LDHC: variants seen among roughly 807,000 people sequenced by gnomAD.
LDHC encodes the protein lactate dehydrogenase C.
Under a neutral mutation model 30.2 loss-of-function variants are expected in LDHC, and 20 were observed. That is an observed-to-expected ratio of 0.66 (90% confidence interval 0.47 to 0.96). The LOEUF (loss-of-function observed/expected upper bound fraction) is 0.96. Ranked by LOEUF, LDHC falls within the 40% of genes least tolerant of loss-of-function variation. LDHC has a pLI of 0.00. For synonymous variants in LDHC, 139 were observed against 132.7 expected, an observed-to-expected ratio of 1.05 and a Z score of -0.32; for missense variants, 362 against 394.9, an observed-to-expected ratio of 0.92 and a Z score of 0.71.
intron 3 of LDHC, among the ~76,000 whole-genome samples, chr11:18,419,206 G>C (rs1001348900): frequency 2.6e-5 from 4 of 152,182 alleles, no homozygotes; most frequent in Non-Finnish European, 5.9e-5. Flanking sequence ...TGCTCTTACA[G>C]TGCAAAAGGA....
At chr11:18,443,491 G>T (rs1451683662) in intron 6 of LDHC, among the ~76,000 whole-genome samples, 1 of 146,866 alleles carries the variant, frequency 6.8e-6, no homozygotes, top group East Asian at 2.0e-4. Context: ...ACACAGTCTG[G>T]CTCTGTCATC....
chr11:18,437,677 G>A (rs965528349), intron 5 of LDHC, among the ~76,000 whole-genome samples: 1 of 151,352 alleles, frequency 6.6e-6, no homozygotes, highest in Non-Finnish European at 1.5e-5. Flanking sequence ...GCGTGAACCC[G>A]GGAGGTGGAG....
At chr11:18,425,085 T>A (rs1024060900) in intron 3 of LDHC, among the ~76,000 whole-genome samples, 1 of 152,164 alleles carries the variant, frequency 6.6e-6, no homozygotes, top group Non-Finnish European at 1.5e-5. Context: ...AGTAATGTGA[T>A]TTTTTGCCAG....
chr11:18,451,100 G>T lies in LDHC; in HGVS notation c.972G>T (p.Trp324Cys), dbSNP rs1848648609. 2 of 1,552,798 alleles carry T rather than the reference G, an allele frequency of 1.3e-6. No homozygotes were observed. Among genetic ancestry groups the T allele is most frequent in the South Asian group, 2.5e-5 (2 of 79,370 alleles). ...TCAAGAAGAGTGCAGAAACACTTTG[G>T]AATATTCAAAAGGATCTAATATTTT... is the stretch of plus-strand genomic sequence containing the variant. ...ALFKKSAETL[W>C]NIQKDLIF The change falls in exon 8 of 8, where the codon TGG becomes TGT. Residue 324 changes from tryptophan to cysteine, a missense_variant. Transcript: ENST00000541669.
intron 3 of LDHC, among the ~76,000 whole-genome samples, chr11:18,422,202 A>G (rs1313502023): frequency 2.0e-5 from 3 of 152,174 alleles, no homozygotes; most frequent in Non-Finnish European, 4.4e-5. Context: ...AGATAGAAAT[A>G]TAAGAATAGG....
chr11:18,426,317 A>T (rs1848161659), intron 3 of LDHC, among the ~76,000 whole-genome samples: 3 of 152,188 alleles, frequency 2.0e-5, no homozygotes, highest in African/African-American at 7.2e-5. Flanking sequence ...ACCTGAGGTC[A>T]GGAGTTCAAG....
At chr11:18,422,290 C>T (rs1456363268) in intron 3 of LDHC, among the ~76,000 whole-genome samples, 3 of 151,720 alleles carry the variant, frequency 2.0e-5, no homozygotes, top group Non-Finnish European at 4.4e-5. Context: ...GCACGATGGC[C>T]CATGCCTGTA....
At chr11:18,429,302 A>G (rs1197066917) in intron 3 of LDHC, among the ~76,000 whole-genome samples, 2 of 151,906 alleles carry the variant, frequency 1.3e-5, no homozygotes, top group African/African-American at 2.4e-5. Context: ...TAGTAGAGAC[A>G]GGATTTTACC....
chr11:18,422,281 C>T (rs1848075900), intron 3 of LDHC, among the ~76,000 whole-genome samples: 1 of 151,920 alleles, frequency 6.6e-6, no homozygotes, highest in South Asian at 2.1e-4. Context: ...CAAGGCCGGG[C>T]ACGATGGCCC....
intron 6 of LDHC, among the ~76,000 whole-genome samples, chr11:18,445,969 C>G (rs910039150): frequency 6.6e-6 from 1 of 151,848 alleles, no homozygotes; most frequent in Non-Finnish European, 1.5e-5. Context: ...GAAGCAAGAC[C>G]CTGTCTCAAA....
Position 18,445,719 on chromosome 11 carries a change from C to T in LDHC, c.711-491C>T, listed in dbSNP as rs189052648. Among the ~76,000 whole-genome samples, 26 of 152,164 alleles carry T rather than the reference C, an allele frequency of 1.7e-4. 1 individual carries two copies. Among genetic ancestry groups the T allele is most frequent in the Admixed American group, 1.1e-3 (17 of 15,274 alleles). On this transcript the variant is annotated intron_variant, in intron 6 of 7. Transcript: ENST00000541669. Reference sequence around the variant, plus strand: ...GGCACGGTGGCTCACACCTATAATACCAGCACTCCAGGAAACTGAGGCGAG... The same window carrying T: ...GGCACGGTGGCTCACACCTATAATATCAGCACTCCAGGAAACTGAGGCGAG...
intron 3 of LDHC, among the ~76,000 whole-genome samples, chr11:18,423,176 A>T (rs968097781): frequency 2.6e-5 from 4 of 152,034 alleles, no homozygotes; most frequent in South Asian, 2.1e-4. Flanking sequence ...AATACAAAAA[A>T]TTAGCCAGGC....
chr11:18,441,766 G>A (rs549536474), intron 6 of LDHC, among the ~76,000 whole-genome samples: 1 of 152,176 alleles, frequency 6.6e-6, no homozygotes, highest in Admixed American at 6.5e-5. Context: ...ACAAAAATTA[G>A]CTGGGCTTGG....
intron 4 of LDHC, among the ~76,000 whole-genome samples, chr11:18,430,737 T>G (rs563438545): frequency 6.6e-6 from 1 of 152,334 alleles, no homozygotes; most frequent in East Asian, 1.9e-4. Flanking sequence ...AGTTTTGGGC[T>G]ATTATGAGTG....
chr11:18,434,739 G>A lies in LDHC; in HGVS notation c.419-1G>A, dbSNP rs1460822640. ...TTCTAACACAAAATTTTTCTTCTTA[G>A]TGGATATTTTGACATATATAGTCTG... On this transcript the variant is annotated splice_acceptor_variant, in intron 4 of 7. Coordinates refer to ENST00000541669, the MANE Select transcript of LDHC (RefSeq NM_017448.5). LOFTEE classifies it high-confidence loss of function. 6.4e-7 allele frequency: 1 copy of A among 1,568,822 alleles called. No homozygotes were observed. The highest frequency in any genetic ancestry group is 1.4e-5 in the African/African-American group (1 of 73,224).
intron 2 of LDHC, among the ~76,000 whole-genome samples, chr11:18,414,111 A>C (rs1446500509): frequency 6.6e-6 from 1 of 152,218 alleles, no homozygotes; most frequent in African/African-American, 2.4e-5. Context: ...CCAACTCTAC[A>C]GTCCTTACTA....
rs369085392 is a variant in LDHC, at chr11:18,429,029, A to G, written c.245-708A>G. Among the ~76,000 whole-genome samples the G allele has an allele frequency of 5.9e-5, 9 of 151,994 alleles. No individual in the cohort carries two copies. In the East Asian group the frequency reaches 1.7e-3, roughly 29 times the overall value. ...TTTGTGATTTCAAACCCAGTCCCTT[A>G]CAATATTAGAAGTAAATACATTCTC... On this transcript the variant is annotated intron_variant, in intron 3 of 7. Transcript: ENST00000541669.
intron 3 of LDHC, among the ~76,000 whole-genome samples, chr11:18,417,765 T>C (rs990055000): frequency 1.1e-4 from 16 of 152,182 alleles, no homozygotes; most frequent in Admixed American, 6.6e-4. Flanking sequence ...GAAACAATTA[T>C]TTTTAATATT....
chr11:18,437,490 C>T (rs540742209), intron 5 of LDHC, among the ~76,000 whole-genome samples: 137 of 151,810 alleles, frequency 9.0e-4, no homozygotes, highest in Non-Finnish European at 1.5e-3. Flanking sequence ...CGGTGGCTCA[C>T]GCCTATAATC....
Sources: gnomAD v4.1 joint callset for allele counts (sites outside exome capture counted in the v4.1 genomes callset) on GRCh38, gnomAD v4.1.1 for gene constraint, MANE v1.5 for transcripts, NCBI Gene and HGNC (gene_info 2026-07-23, HGNC 2026-07-21) for gene names.